GRIK2: variants seen among roughly 807,000 people sequenced by gnomAD.
GRIK2 encodes the protein glutamate receptor ionotropic, kainate 2.
GRIK2 carries 32 observed loss-of-function variants against 100.3 expected under a neutral mutation model. The ratio of observed to expected loss-of-function variants is 0.32; its 90% CI spans 0.24 to 0.43. The LOEUF (loss-of-function observed/expected upper bound fraction) is 0.43, where lower values mean the gene tolerates loss of function less well. Among genes scored for constraint, GRIK2 ranks in the 20% least tolerant of loss-of-function variants. The pLI is 1.00. For synonymous variants in GRIK2, 417 were observed against 389.4 expected (o/e 1.07, Z -0.83); for missense variants, 843 against 1,114.9 (o/e 0.76, Z 3.47).
chr6:101,609,323 A>T (rs1779572317), intron 2 of GRIK2, among the ~76,000 whole-genome samples: 1 of 151,904 alleles, frequency 6.6e-6, no homozygotes, highest in Non-Finnish European at 1.5e-5. Flanking sequence ...CAGGAAAAAA[A>T]TACCTATTAT....
intron 14 of GRIK2, among the ~76,000 whole-genome samples, chr6:101,934,200 A>G (rs948422014): frequency 6.6e-6 from 1 of 151,958 alleles, no homozygotes; most frequent in African/African-American, 2.4e-5. Flanking sequence ...AGGAATGCAT[A>G]GTATCACAAT....
intron 10 of GRIK2, among the ~76,000 whole-genome samples, chr6:101,831,761 GTATGAGTTATTGA>G (rs1782713121): frequency 6.6e-6 from 1 of 152,034 alleles, no homozygotes; most frequent in South Asian, 2.1e-4. Flanking sequence ...ATTTACGGGA[GTATGAGTTATTGA>G]TATGCAATGA....
intron 10 of GRIK2, among the ~76,000 whole-genome samples, chr6:101,841,572 C>T (rs947709963): frequency 6.6e-6 from 1 of 152,010 alleles, no homozygotes; most frequent in Non-Finnish European, 1.5e-5. Context: ...CCATGTTGGC[C>T]AGGCTGGTCT....
At chr6:102,057,545 A>T (rs904160999) in intron 16 of GRIK2, among the ~76,000 whole-genome samples, 1 of 152,026 alleles carries the variant, frequency 6.6e-6, no homozygotes, top group Non-Finnish European at 1.5e-5. Flanking sequence ...GTACCTTTTC[A>T]AACGGAAACA....
At chr6:101,515,919 A>G (rs942068728) in intron 2 of GRIK2, among the ~76,000 whole-genome samples, 2 of 152,100 alleles carry the variant, frequency 1.3e-5, no homozygotes, top group African/African-American at 4.8e-5. Context: ...TCTTTAGTTT[A>G]ATTAGGTCCC....
intron 7 of GRIK2, among the ~76,000 whole-genome samples, chr6:101,787,094 G>C (rs1293254288): frequency 6.6e-6 from 1 of 151,704 alleles, no homozygotes; most frequent in Non-Finnish European, 1.5e-5. Context: ...AAATTTTTGA[G>C]TTTGTTAGTA....
chr6:101,467,760 A>G (rs918955430), intron 2 of GRIK2, among the ~76,000 whole-genome samples: 1 of 152,172 alleles, frequency 6.6e-6, no homozygotes, highest in African/African-American at 2.4e-5. Context: ...AAACATCTAC[A>G]TACAAACTTA....
At chr6:102,024,938 AT>A (rs1769616442) in intron 14 of GRIK2, among the ~76,000 whole-genome samples, 1 of 149,242 alleles carries the variant, frequency 6.7e-6, no homozygotes, top group Non-Finnish European at 1.5e-5. Context: ...ATATATATAT[AT>A]TATTTATAAA....
Position 101,682,545 on chromosome 6 carries a change from T to TC in GRIK2, c.724-8_724-7insC. 8.0e-7 allele frequency: 1 copy of TC among 1,243,690 alleles called. No individual in the cohort carries two copies. Among genetic ancestry groups the TC allele is most frequent in the Non-Finnish European group, 1.2e-6 (1 of 850,146 alleles). 77.0% of individuals were successfully genotyped at this position (1,243,690 alleles called of 1,614,324 possible). ...TATGTACCTTCAGTAATTTTTTTTTTTCCTTAGGCATTAGCTATGGGAATG... is the reference window on the plus strand; with the variant it reads ...TATGTACCTTCAGTAATTTTTTTTTTCTCCTTAGGCATTAGCTATGGGAATG... On this transcript the variant is annotated splice_region_variant and splice_polypyrimidine_tract_variant and intron_variant, in intron 5 of 16. Coordinates refer to ENST00000369134, the MANE Select transcript of GRIK2 (RefSeq NM_021956.5).
chr6:101,523,433 A>G (rs1774984024), intron 2 of GRIK2, among the ~76,000 whole-genome samples: 1 of 152,190 alleles, frequency 6.6e-6, no homozygotes, highest in Admixed American at 6.5e-5. Context: ...AAGAAGTAGA[A>G]GTACAGCATA....
At chr6:101,855,087 T>C (rs781636713) in intron 10 of GRIK2, among the ~76,000 whole-genome samples, 1 of 152,156 alleles carries the variant, frequency 6.6e-6, no homozygotes, top group Non-Finnish European at 1.5e-5. Flanking sequence ...TAGCTTTGTA[T>C]TTTTGAATCT....
chr6:101,608,523 CA>C (rs1355249649), intron 2 of GRIK2, among the ~76,000 whole-genome samples: 2 of 151,394 alleles, frequency 1.3e-5, no homozygotes, highest in African/African-American at 2.4e-5. Flanking sequence ...ATTGCTTGCT[CA>C]AAGATTATTC....
intron 4 of GRIK2, among the ~76,000 whole-genome samples, chr6:101,629,863 C>G (rs1325076196): frequency 1.3e-5 from 2 of 151,962 alleles, no homozygotes; most frequent in African/African-American, 4.8e-5. Context: ...TTAACCTCTT[C>G]TCTCCCTCCC....
At chr6:101,439,762 A>G (rs1041947047) in intron 2 of GRIK2, among the ~76,000 whole-genome samples, 4 of 152,160 alleles carry the variant, frequency 2.6e-5, no homozygotes, top group Non-Finnish European at 5.9e-5. Context: ...ATAAGTAGCT[A>G]TCTTACCTAT....
At chr6:101,806,561 G>A (rs1328258968) in intron 9 of GRIK2, among the ~76,000 whole-genome samples, 2 of 151,102 alleles carry the variant, frequency 1.3e-5, no homozygotes, top group African/African-American at 2.4e-5. Context: ...AAAATCCAAA[G>A]CACCAGTGAC....
intron 12 of GRIK2, among the ~76,000 whole-genome samples, chr6:101,914,328 G>C (rs1159295740): frequency 6.6e-6 from 1 of 151,294 alleles, no homozygotes; most frequent in African/African-American, 2.4e-5. Context: ...ATTTGATATT[G>C]GTCATGCTGA....
At chr6:101,451,697 G>GT (rs991611268) in intron 2 of GRIK2, among the ~76,000 whole-genome samples, 5 of 46,642 alleles carry the variant, frequency 1.1e-4, no homozygotes, top group East Asian at 6.3e-4. Flanking sequence ...TATCTCTGAG[G>GT]GGGGGGGGGG....
intron 16 of GRIK2, among the ~76,000 whole-genome samples, chr6:102,065,529 C>CTACTCCCT (rs1369748142): frequency 6.6e-6 from 1 of 151,228 alleles, no homozygotes; most frequent in Admixed American, 6.6e-5. Flanking sequence ...GTTACTTAGC[C>CTACTCCCT]TACTCCCTTA....
chr6:101,761,608 A>C (rs558017080), intron 7 of GRIK2, among the ~76,000 whole-genome samples: 1 of 152,114 alleles, frequency 6.6e-6, no homozygotes, highest in Non-Finnish European at 1.5e-5. Context: ...ACAAATCACT[A>C]TCTTACACAA....
Sources: gnomAD v4.1 joint callset for allele counts (sites outside exome capture counted in the v4.1 genomes callset) on GRCh38, gnomAD v4.1.1 for gene constraint, MANE v1.5 for transcripts, NCBI Gene and HGNC (gene_info 2026-07-23, HGNC 2026-07-21) for gene names.